Variants in PROSER1 observed in about 807,000 individuals in gnomAD.
PROSER1 encodes proline and serine-rich protein 1.
Under a neutral mutation model 71.8 loss-of-function variants are expected in PROSER1, and 36 were observed. The observed-to-expected ratio is 0.50, with a 90% CI of 0.38 to 0.66. PROSER1 has a LOEUF of 0.66. PROSER1 is among the 30% of genes least tolerant of loss of function. The pLI is 0.00. For missense variants in PROSER1, 1,107 were observed against 1,135.0 expected (o/e 0.98, Z 0.35); for synonymous variants, 490 against 452.4 (o/e 1.08, Z -1.06).
chr13:39,010,560 T>C lies in PROSER1; in HGVS notation c.*805A>G, dbSNP rs890503682. The stretch of plus-strand genomic sequence containing the variant: ...CAAATAGAAATACTACATCCCATAA[T>C]TGTAAACATTCACCAGGAGCTTCCA... On this transcript the variant is annotated 3_prime_UTR_variant, in exon 13 of 13. Transcript: ENST00000352251. 2 of 152,656 alleles carry C rather than the reference T, an allele frequency of 1.3e-5. No homozygotes were observed. The highest frequency in any genetic ancestry group is 4.8e-5 in the African/African-American group (2 of 41,460). The allele number at this position is 152,656 out of a possible 1,614,324, so 9.5% of individuals were successfully genotyped here.
At chr13:39,028,084 G>A in intron 5 of PROSER1, 143 bp downstream of exon 5, 1 of 470,646 alleles carries the variant, frequency 2.1e-6, no homozygotes, top group South Asian at 3.6e-5. Flanking sequence ...CCACGCCGCA[G>A]ACCGCAGGGA....
chr13:39,031,470 G>A, intron 3 of PROSER1, 93 bp downstream of exon 3: 2 of 953,470 alleles, frequency 2.1e-6, no homozygotes, highest in Non-Finnish European at 3.2e-6. Flanking sequence ...CTTTTCTAAT[G>A]CAAATAAATT....
At chr13:39,023,154 C>T (rs772946089) in intron 7 of PROSER1, 24 bp from the exon 8 acceptor site, 3 of 1,569,648 alleles carry the variant, frequency 1.9e-6, no homozygotes, top group Admixed American at 3.4e-5. Flanking sequence ...GAAAATACAG[C>T]AGTTAGAAGA....
In PROSER1 at chr13:39,022,378, C is replaced by G. The variant is rs776945658; in HGVS notation, c.678G>C (p.Ala226=). The part of the protein sequence containing the change: ...AYNNAGLVPL[A]NVIAPPPPPY... ...GAGGTGGAGGTGGAGCTATGACATT[C>G]GCTAATGGTACCAGACCTGCATTGT... Residue 226 remains alanine (A), a synonymous_variant, in exon 9 of 13, where the codon GCG becomes GCC. Coordinates refer to ENST00000352251, the MANE Select transcript of PROSER1 (RefSeq NM_025138.5). The G allele has an allele frequency of 2.5e-6, 4 of 1,612,742 alleles. No homozygotes were observed. The highest frequency in any genetic ancestry group is 3.4e-6 in the Non-Finnish European group (4 of 1,178,986).
At chr13:39,032,922 A>T (rs1041248932) in intron 2 of PROSER1, among the ~76,000 whole-genome samples, 2 of 145,094 alleles carry the variant, frequency 1.4e-5, no homozygotes, top group African/African-American at 5.0e-5. Flanking sequence ...AAAACATTTA[A>T]TTTTTTTTTT....
Position 39,026,319 on chromosome 13 carries a change from T to C in PROSER1, c.438A>G (p.Pro146=), listed in dbSNP as rs772237280. The C allele has an allele frequency of 3.7e-6, 6 of 1,612,676 alleles. No individual in the cohort carries two copies. The East Asian group carries it at 8.9e-5, about 24-fold the overall frequency. The change falls in exon 6 of 13, where the codon CCA becomes CCG. Residue 146 remains proline (P), a synonymous_variant. Transcript: ENST00000352251. ...ISSCGTIPGN[P]YPKGRPSRIN... is the part of the protein sequence containing the mutation. ...TGCGGCTAGGTCTTCCTTTGGGATA[T>C]GGATTTCCTGGGATTGTTCCACAAG...
At chr13:39,024,697 C>T in intron 6 of PROSER1, 141 bp from the exon 7 acceptor site, 3 of 628,932 alleles carry the variant, frequency 4.8e-6, no homozygotes, top group Non-Finnish European at 5.4e-6. Context: ...TTCAGTTCTG[C>T]ACTGGCTGGC....
Position 39,038,006 on chromosome 13 carries a change from C to A in PROSER1, c.-764G>T, listed in dbSNP as rs1055560169. The A allele has an allele frequency of 2.6e-5, 4 of 152,832 alleles. No individual in the cohort carries two copies. The highest frequency in any genetic ancestry group is 6.5e-5 in the Admixed American group (1 of 15,296). The allele number at this position is 152,832 out of a possible 1,614,324, so 9.5% of individuals were successfully genotyped here. ...CCTGCCTGGTTACCCCTACAGCCCC[C>A]ACCAGCTCATGGGGACCTACAATAA... On this transcript the variant is annotated 5_prime_UTR_variant, in exon 1 of 13. Transcript: ENST00000352251.
chr13:39,012,348 T>G, intron 11 of PROSER1, 115 bp from the exon 12 acceptor site: 1 of 1,150,640 alleles, frequency 8.7e-7, no homozygotes, highest in Non-Finnish European at 1.3e-6. Flanking sequence ...ACCTTAGAAT[T>G]TATTCCTCTG....
chr13:39,011,984 TGCCAA>T, intron 12 of PROSER1, 94 bp downstream of exon 12: 9 of 1,256,226 alleles, frequency 7.2e-6, no homozygotes, highest in Admixed American at 4.6e-5. Context: ...AGCCATTTTT[TGCCAA>T]TGTTGGGATA....
intron 1 of PROSER1, 36 bp from the exon 2 acceptor site, chr13:39,034,232 A>G (rs766936707): frequency 6.6e-7 from 1 of 1,515,492 alleles, no homozygotes; most frequent in South Asian, 1.3e-5. Flanking sequence ...AGAGTAAAAC[A>G]GCATTAATAT....
At chr13:39,034,783 A>T (rs544997936) in intron 1 of PROSER1, among the ~76,000 whole-genome samples, 21 of 152,360 alleles carry the variant, frequency 1.4e-4, no homozygotes, top group African/African-American at 4.3e-4. Context: ...CCTCATTCAT[A>T]GAGGGAACAC....
Position 39,037,389 on chromosome 13 carries a change from A to G in PROSER1, c.-147T>C, listed in dbSNP as rs1186609463. On this transcript the variant is annotated 5_prime_UTR_variant, in exon 1 of 13. Transcript: ENST00000352251. Reference sequence around the variant, plus strand: ...CAAGAGAGGATGCGAAGAGGTAGAGAGTATTGCAAACTTCGCAAAAAAAAT... The same window carrying G: ...CAAGAGAGGATGCGAAGAGGTAGAGGGTATTGCAAACTTCGCAAAAAAAAT... The G allele has an allele frequency of 4.7e-6, 3 of 635,546 alleles. No individual in the cohort carries two copies. Among genetic ancestry groups the G allele is most frequent in the Middle Eastern group, 2.5e-4 (1 of 3,924 alleles). The allele number at this position is 635,546 out of a possible 1,614,324, so 39.4% of individuals were successfully genotyped here. A position where few individuals can be genotyped will look rare whatever the true frequency, so the allele number is the denominator to read the frequency against.
intron 11 of PROSER1, 112 bp downstream of exon 11, chr13:39,012,579 C>A (rs1869716287): frequency 1.1e-6 from 1 of 928,216 alleles, no homozygotes; most frequent in Non-Finnish European, 1.6e-6. Flanking sequence ...AAAGTTTTCA[C>A]CCAGAAAAAC....
rs1197832043 is a variant in PROSER1 at position 39,010,266 on chromosome 13, C to T, written c.*1099G>A. ...AGTAAAATACATTAGCAACATCTTC[C>T]GGACACCATCTTTATAAAAGTAAAA... On this transcript the variant is annotated 3_prime_UTR_variant, in exon 13 of 13. Coordinates refer to ENST00000352251, the MANE Select transcript of PROSER1 (RefSeq NM_025138.5). 1.3e-5 allele frequency: 2 copies of T among 152,538 alleles called. No homozygotes were observed. Among genetic ancestry groups the T allele is most frequent in the Non-Finnish European group, 2.9e-5 (2 of 68,014 alleles). The allele number at this position is 152,538 out of a possible 1,614,324, so 9.4% of individuals were successfully genotyped here. A position where few individuals can be genotyped will look rare whatever the true frequency, so the allele number is the denominator to read the frequency against.
At chr13:39,022,158 T>C (rs1240306801) in intron 9 of PROSER1, among the ~76,000 whole-genome samples, 168 bp downstream of exon 9, 1 of 152,194 alleles carries the variant, frequency 6.6e-6, no homozygotes, top group Non-Finnish European at 1.5e-5. Flanking sequence ...GTGAAGTCCA[T>C]CAAGACTATG....
Position 39,011,155 on chromosome 13 carries a change from T to G in PROSER1, c.*210A>C. The G allele has an allele frequency of 1.8e-6, 1 of 547,966 alleles. No individual in the cohort carries two copies. Among genetic ancestry groups the G allele is most frequent in the Non-Finnish European group, 3.3e-6 (1 of 307,002 alleles). The allele number at this position is 547,966 out of a possible 1,614,324, so 33.9% of individuals were successfully genotyped here. ...TCCAAACACTTTTTAAATACCATTC[T>G]CCATACAATTTATTGTCAGCATATT... On this transcript the variant is annotated 3_prime_UTR_variant, in exon 13 of 13. Transcript: ENST00000352251.
At chr13:39,025,205 A>C (rs1870490840) in intron 6 of PROSER1, among the ~76,000 whole-genome samples, 1 of 152,186 alleles carries the variant, frequency 6.6e-6, no homozygotes, top group Admixed American at 6.5e-5. Flanking sequence ...AAGTGTGATT[A>C]TTTATATTGT....
rs114150984 is a variant in PROSER1, at chr13:39,021,585, T to C, written c.730+741A>G. On this transcript the variant is annotated intron_variant, in intron 9 of 12. Transcript: ENST00000352251. ...AATAGAATCTCTACAAGTGGGGAAC[T>C]AAAGGTATTTTTTTAAAAGTGCTCC... is the stretch of plus-strand genomic sequence containing the variant. Among the ~76,000 whole-genome samples the C allele has an allele frequency of 8.7e-3, 1,330 of 152,190 alleles. 24 individuals carry two copies. The highest frequency in any genetic ancestry group is 0.031 in the African/African-American group (1,280 of 41,532).
Sources: allele counts gnomAD v4.1 joint callset (sites outside exome capture counted in the v4.1 genomes callset), GRCh38; gene constraint gnomAD v4.1.1; transcripts MANE v1.5; gene names NCBI Gene and HGNC (gene_info 2026-07-23, HGNC 2026-07-21).